The following PIK3CA variants were observed in gnomAD, a reference collection of about 807,000 sequenced individuals.
PIK3CA encodes the protein phosphatidylinositol 4,5-bisphosphate 3-kinase catalytic subunit alpha isoform.
PIK3CA carries 27 observed loss-of-function variants against 138.2 expected under a neutral mutation model. The observed-to-expected ratio is 0.20, with a 90% CI of 0.14 to 0.27. The LOEUF is 0.27. Ranked by LOEUF, PIK3CA falls within the 10% of genes least tolerant of loss-of-function variation. The pLI is 1.00. For missense variants in PIK3CA, 544 were observed against 1,277.4 expected, an observed-to-expected ratio of 0.43 and a Z score of 8.75; for synonymous variants, 358 against 413.2, an observed-to-expected ratio of 0.87 and a Z score of 1.62.
intron 1 of PIK3CA, among the ~76,000 whole-genome samples, chr3:179,191,038 T>C (rs1162563277): frequency 6.6e-6 from 1 of 152,200 alleles, no homozygotes; most frequent in Non-Finnish European, 1.5e-5. Context: ...TCTCCTGTGA[T>C]AGGAGTTAAT....
At chr3:179,193,854 T>TAA (rs1213762497) in intron 1 of PIK3CA, among the ~76,000 whole-genome samples, 1 of 152,232 alleles carries the variant, frequency 6.6e-6, no homozygotes, top group South Asian at 2.1e-4. Context: ...TCTTGACCCT[T>TAA]AAAGTGTTTT....
At chr3:179,160,189 G>A (rs4855094) in intron 1 of PIK3CA, among the ~76,000 whole-genome samples, 15,016 of 152,176 alleles carry the variant, frequency 0.099, 1,186 homozygotes, top group African/African-American at 0.2. Context: ...ACTAAATGAT[G>A]AGAGTTTGTC....
intron 7 of PIK3CA, 102 bp from the exon 8 acceptor site, chr3:179,210,084 T>G: frequency 1.2e-6 from 1 of 857,476 alleles, no homozygotes; most frequent in Non-Finnish European, 1.8e-6. Context: ...GATATTCCCA[T>G]TATTATAGAG....
chr3:179,178,937 C>CT (rs1246366947), intron 1 of PIK3CA, among the ~76,000 whole-genome samples: 1 of 152,232 alleles, frequency 6.6e-6, no homozygotes, highest in African/African-American at 2.4e-5. Context: ...ATCATACCCT[C>CT]TGCTCAGCGC....
intron 15 of PIK3CA, 52 bp downstream of exon 15, chr3:179,224,239 T>A: frequency 1.1e-6 from 1 of 905,456 alleles, no homozygotes; most frequent in Non-Finnish European, 1.7e-6. Context: ...CTTTTCTGGA[T>A]AAAATCTTGA....
intron 9 of PIK3CA, among the ~76,000 whole-genome samples, chr3:179,215,449 A>G (rs1449930099): frequency 6.6e-6 from 1 of 152,124 alleles, no homozygotes; most frequent in Non-Finnish European, 1.5e-5. Context: ...GTTTTTCTGT[A>G]TCTTAAATAT....
rs1305321589 is a variant in PIK3CA, at chr3:179,234,051, A to C, written c.2937-43A>C. Reference sequence around the variant, plus strand: ...TGAGCAAAGACCTGAAGGTATTAACATCATTTGCTCCAAACTGACCAAACT... The same window carrying C: ...TGAGCAAAGACCTGAAGGTATTAACCTCATTTGCTCCAAACTGACCAAACT... On this transcript the variant is annotated intron_variant, in intron 20 of 20. Transcript: ENST00000263967. The surrounding 1 kb of genome is among the most constrained non-coding windows in gnomAD (Gnocchi z 5.1). The C allele has an allele frequency of 6.7e-7, 1 of 1,486,708 alleles. No homozygotes were observed. Among genetic ancestry groups the C allele is most frequent in the African/African-American group, 1.4e-5 (1 of 71,682 alleles). 92.1% of individuals were successfully genotyped at this position (1,486,708 alleles called of 1,614,324 possible). A position where few individuals can be genotyped will look rare whatever the true frequency, so the allele number is the denominator to read the frequency against.
chr3:179,175,267 G>A (rs914850550), intron 1 of PIK3CA, among the ~76,000 whole-genome samples: 3 of 152,212 alleles, frequency 2.0e-5, no homozygotes, highest in African/African-American at 7.2e-5. Flanking sequence ...GATATTTTAA[G>A]TGAGTGTAGA....
rs2108408016 is a variant in PIK3CA at position 179,218,234 on chromosome 3, G to A, written c.1564G>A (p.Glu522Lys). ...GLSNRLARDN[E>K]LRENDKEQLK... ...GAGTAACAGACTAGCTAGAGACAAT[G>A]AATTAAGGGAAAATGACAAAGAACA... The change falls in exon 10 of 21, where the codon GAA becomes AAA. Residue 522 changes from glutamate (E) to lysine (K), a missense_variant. Coordinates refer to ENST00000263967, the MANE Select transcript of PIK3CA (RefSeq NM_006218.4). 1 of 1,607,660 alleles carries A rather than the reference G, an allele frequency of 6.2e-7. No homozygotes were observed. The highest frequency in any genetic ancestry group is 8.5e-7 in the Non-Finnish European group (1 of 1,176,002).
intron 1 of PIK3CA, among the ~76,000 whole-genome samples, chr3:179,152,032 A>T (rs1723026105): frequency 6.6e-6 from 1 of 152,218 alleles, no homozygotes; most frequent in South Asian, 2.1e-4. Flanking sequence ...AGTAGCCTGT[A>T]CATTACAGCA....
rs1361768260 is a variant in PIK3CA at position 179,237,359 on chromosome 3, C to A, written c.*2995C>A. On this transcript the variant is annotated 3_prime_UTR_variant, in exon 21 of 21. Transcript: ENST00000263967. Reference sequence around the variant, plus strand: ...CAACTTTGAGATTTTCCCTTCTATTCTGCTTTATATTAAAAGCCCATTAGA... The same window carrying A: ...CAACTTTGAGATTTTCCCTTCTATTATGCTTTATATTAAAAGCCCATTAGA... 5.1e-6 allele frequency: 1 copy of A among 195,550 alleles called. No homozygotes were observed. Among genetic ancestry groups the A allele is most frequent in the African/African-American group, 2.3e-5 (1 of 43,178 alleles). 12.1% of individuals were successfully genotyped at this position (195,550 alleles called of 1,614,324 possible).
intron 1 of PIK3CA, among the ~76,000 whole-genome samples, chr3:179,171,287 C>G (rs898198654): frequency 6.6e-6 from 1 of 152,082 alleles, no homozygotes; most frequent in Non-Finnish European, 1.5e-5. Flanking sequence ...TGGTATGTAG[C>G]TCTCAGGCAG....
chr3:179,180,281 A>G (rs1479385091), intron 1 of PIK3CA, among the ~76,000 whole-genome samples: 1 of 152,066 alleles, frequency 6.6e-6, no homozygotes, highest in Non-Finnish European at 1.5e-5. Flanking sequence ...CTCATTCTGT[A>G]CCTGTCAGAA....
chr3:179,207,466 TATTA>T (rs1724593517), intron 6 of PIK3CA, among the ~76,000 whole-genome samples: 1 of 152,180 alleles, frequency 6.6e-6, no homozygotes, highest in Non-Finnish European at 1.5e-5. Flanking sequence ...GAACACTTCT[TATTA>T]ATTTATGAGC....
At chr3:179,181,866 A>G (rs915602513) in intron 1 of PIK3CA, among the ~76,000 whole-genome samples, 2 of 152,140 alleles carry the variant, frequency 1.3e-5, no homozygotes, top group Non-Finnish European at 2.9e-5. Flanking sequence ...TGTCTTCTTT[A>G]TATACCATAG....
intron 1 of PIK3CA, among the ~76,000 whole-genome samples, chr3:179,157,212 C>A (rs7621436): frequency 0.25 from 38,289 of 151,968 alleles, 5,820 homozygotes; most frequent in African/African-American, 0.42. Context: ...TATATGCCTT[C>A]TGAAGCTTTT....
intron 1 of PIK3CA, among the ~76,000 whole-genome samples, chr3:179,163,387 A>G (rs890453483): frequency 2.9e-4 from 44 of 152,138 alleles, no homozygotes; most frequent in Non-Finnish European, 1.2e-4. Flanking sequence ...GGGCATGGCA[A>G]TGTGCCCCCT....
intron 1 of PIK3CA, among the ~76,000 whole-genome samples, chr3:179,177,899 A>T (rs536266513): frequency 1.2e-4 from 19 of 152,196 alleles, no homozygotes; most frequent in African/African-American, 4.6e-4. Flanking sequence ...AAAAACAGAA[A>T]TTCCCAGCAT....
In PIK3CA at chr3:179,174,753, T is replaced by G. The variant is rs540618092; in HGVS notation, c.-76-23997T>G. On this transcript the variant is annotated intron_variant, in intron 1 of 20. Coordinates refer to ENST00000263967, the MANE Select transcript of PIK3CA (RefSeq NM_006218.4). ...AATCATTACTGGTTAAATCCACATT[T>G]AGTTATTTCATTATTCAATGACCAT... 7.2e-5 allele frequency among the ~76,000 whole-genome samples: 11 copies of G among 152,350 alleles called. No homozygotes were observed. The South Asian group carries it at 2.3e-3, about 32-fold the overall frequency.
Sources: allele counts gnomAD v4.1 joint callset (sites outside exome capture counted in the v4.1 genomes callset), GRCh38; gene constraint gnomAD v4.1.1; non-coding constraint Gnocchi (gnomAD v3.1); transcripts MANE v1.5; gene names NCBI Gene and HGNC (gene_info 2026-07-23, HGNC 2026-07-21).